Variants in RBMS2 observed in about 807,000 individuals in gnomAD.
RBMS2 encodes the protein RNA binding motif single stranded interacting protein 2.
Under a neutral mutation model 58.4 loss-of-function variants are expected in RBMS2, and 38 were observed. The observed-to-expected ratio is 0.65, with a 90% CI of 0.50 to 0.85. The LOEUF is 0.85. Among genes scored for constraint, RBMS2 ranks in the 40% least tolerant of loss-of-function variants. RBMS2 has a pLI of 0.00. For synonymous variants in RBMS2, 151 were observed against 180.7 expected, an observed-to-expected ratio of 0.84 and a Z score of 1.32; for missense variants, 367 against 503.7, an observed-to-expected ratio of 0.73 and a Z score of 2.60.
intron 1 of RBMS2, among the ~76,000 whole-genome samples, chr12:56,554,061 G>C (rs958415489): frequency 6.6e-6 from 1 of 152,166 alleles, no homozygotes; most frequent in Non-Finnish European, 1.5e-5. Context: ...CTGTCCTCAA[G>C]TGATTCACCC....
intron 1 of RBMS2, among the ~76,000 whole-genome samples, chr12:56,529,706 A>G (rs1873352066): frequency 6.6e-6 from 1 of 152,242 alleles, no homozygotes; most frequent in African/African-American, 2.4e-5. Context: ...GTCATAAGAG[A>G]CTACATGTTG....
chr12:56,526,236 G>A (rs1345416267), intron 1 of RBMS2, among the ~76,000 whole-genome samples: 1 of 151,982 alleles, frequency 6.6e-6, no homozygotes, highest in Non-Finnish European at 1.5e-5. Context: ...GAACCCAGGA[G>A]GTGGATGTTG....
At chr12:56,560,694 C>T (rs2136408281) in intron 1 of RBMS2, among the ~76,000 whole-genome samples, 1 of 152,088 alleles carries the variant, frequency 6.6e-6, no homozygotes, top group Admixed American at 6.6e-5. Flanking sequence ...TGTGCCTGGA[C>T]CAGTGTATTA....
chr12:56,521,769 G>C (rs909576982), upstream of RBMS2, among the ~76,000 whole-genome samples: 5 of 151,882 alleles, frequency 3.3e-5, no homozygotes, highest in African/African-American at 1.2e-4. Flanking sequence ...CAGTGGAAGT[G>C]CCTCTGCCTC....
rs1432569629 is a variant in RBMS2 at position 56,587,620 on chromosome 12, C to T, written c.1018C>T (p.Leu340Phe). 2 of 1,614,018 alleles carry T rather than the reference C, an allele frequency of 1.2e-6. No homozygotes were observed. Among genetic ancestry groups the T allele is most frequent in the Non-Finnish European group, 1.7e-6 (2 of 1,179,906 alleles). ...SLQPASMMGP[L>F]TQQLGHLSLS... ...CCAGCCTGCCTCCATGATGGGACCC[C>T]TTACCCAGCAACTGGGCCATCTCTC... Residue 340 changes from leucine to phenylalanine, a missense_variant, in exon 11 of 14, where the codon CTT becomes TTT. Coordinates refer to ENST00000262031, the MANE Select transcript of RBMS2 (RefSeq NM_002898.4).
At chr12:56,558,976 C>T (rs1332978613) in intron 1 of RBMS2, among the ~76,000 whole-genome samples, 1 of 152,070 alleles carries the variant, frequency 6.6e-6, no homozygotes, top group East Asian at 1.9e-4. Context: ...AGCCAACCTC[C>T]CACCTCAACC....
intron 11 of RBMS2, 40 bp downstream of exon 11, chr12:56,587,704 G>T: frequency 1.3e-6 from 2 of 1,594,460 alleles, no homozygotes; most frequent in Non-Finnish European, 1.7e-6. Context: ...CTCCTACTGA[G>T]CAAGGCATAC....
In RBMS2 at chr12:56,580,282, G is replaced by C. The variant is rs530850980; in HGVS notation, c.543-902G>C. Reference sequence around the variant, plus strand: ...GATTCTCGCCCTGTTGCCCAGGCTGGAGTGCAATGGCGTGATCTCGACTCA... The same window carrying C: ...GATTCTCGCCCTGTTGCCCAGGCTGCAGTGCAATGGCGTGATCTCGACTCA... On this transcript the variant is annotated intron_variant, in intron 5 of 13. Coordinates refer to ENST00000262031, the MANE Select transcript of RBMS2 (RefSeq NM_002898.4). 4.7e-3 allele frequency: 1,934 copies of C among 411,154 alleles called. 8 individuals are homozygous for C. Among genetic ancestry groups the C allele is most frequent in the Middle Eastern group, 7.4e-3 (9 of 1,222 alleles). The allele number at this position is 411,154 out of a possible 1,614,324, so 25.5% of individuals were successfully genotyped here. A position where few individuals can be genotyped will look rare whatever the true frequency, so the allele number is the denominator to read the frequency against.
At chr12:56,541,233 C>T (rs77378459) in intron 1 of RBMS2, among the ~76,000 whole-genome samples, 1,738 of 152,100 alleles carry the variant, frequency 0.011, 10 homozygotes, top group South Asian at 0.02. Context: ...ACATTGATTC[C>T]TTGCCTATTC....
At chr12:56,558,445 T>C (rs1879704784) in intron 1 of RBMS2, among the ~76,000 whole-genome samples, 1 of 150,422 alleles carries the variant, frequency 6.6e-6, no homozygotes. Flanking sequence ...ACATTGAGAA[T>C]GGGGATAGAT....
At chr12:56,571,556 TG>T in intron 4 of RBMS2, 141 bp from the exon 5 acceptor site, 1 of 834,808 alleles carries the variant, frequency 1.2e-6, no homozygotes, top group Non-Finnish European at 1.7e-6. Context: ...GTAGTGGGAC[TG>T]GGTGTTAACA....
At chr12:56,526,320 T>TAAATAAAATAAAATAAAATA (rs566701714) in intron 1 of RBMS2, among the ~76,000 whole-genome samples, 1 of 151,414 alleles carries the variant, frequency 6.6e-6, no homozygotes, top group African/African-American at 2.4e-5. Context: ...AATAAATAAA[T>TAAATAAAATAAAATAAAATA]AAATAAAATA....
At chr12:56,586,558 CT>C (rs574354728) in intron 9 of RBMS2, among the ~76,000 whole-genome samples, 157 of 145,058 alleles carry the variant, frequency 1.1e-3, no homozygotes, top group East Asian at 1.6e-3. Flanking sequence ...TTTCCAAACC[CT>C]TTTTTTTTTT....
chr12:56,542,870 A>G (rs1349802254), intron 1 of RBMS2, among the ~76,000 whole-genome samples: 1 of 150,402 alleles, frequency 6.6e-6, no homozygotes, highest in Non-Finnish European at 1.5e-5. Context: ...TTTTTTAACC[A>G]TCCCATATTT....
upstream of RBMS2, among the ~76,000 whole-genome samples, chr12:56,521,717 T>A (rs773213075): frequency 6.6e-6 from 1 of 151,094 alleles, no homozygotes; most frequent in Non-Finnish European, 1.5e-5. Flanking sequence ...CTCCTGAGAC[T>A]ATGAAAAACA....
At chr12:56,552,156 G>T (rs1004898017) in intron 1 of RBMS2, among the ~76,000 whole-genome samples, 1 of 152,228 alleles carries the variant, frequency 6.6e-6, no homozygotes, top group African/African-American at 2.4e-5. Flanking sequence ...CCTTAGAAAC[G>T]TAGGCATGTA....
chr12:56,557,887 C>T (rs947385196), intron 1 of RBMS2, among the ~76,000 whole-genome samples: 9 of 151,112 alleles, frequency 6.0e-5, no homozygotes, highest in African/African-American at 1.9e-4. Flanking sequence ...TACAGGCATG[C>T]ACCACCACGC....
At chr12:56,543,181 C>G (rs1023539499) in intron 1 of RBMS2, among the ~76,000 whole-genome samples, 3 of 146,076 alleles carry the variant, frequency 2.1e-5, no homozygotes, top group African/African-American at 7.5e-5. Flanking sequence ...CCCCATACTT[C>G]ATTTCAAACT....
intron 1 of RBMS2, 134 bp from the exon 2 acceptor site, chr12:56,562,281 CTA>C (rs1194862094): frequency 1.4e-5 from 11 of 781,062 alleles, no homozygotes; most frequent in African/African-American, 5.2e-5. Context: ...AAGGAACAAA[CTA>C]TGTGTGTCCA....
Sources: allele counts gnomAD v4.1 joint callset (sites outside exome capture counted in the v4.1 genomes callset), GRCh38; gene constraint gnomAD v4.1.1; transcripts MANE v1.5; gene names NCBI Gene and HGNC (gene_info 2026-07-23, HGNC 2026-07-21).